ORC4: variants seen among roughly 807,000 people sequenced by gnomAD.
ORC4 encodes the protein origin recognition complex, subunit 4 homolog.
Under a neutral mutation model 63.9 loss-of-function variants are expected in ORC4, and 55 were observed. That is an observed-to-expected ratio of 0.86 (90% CI 0.69 to 1.08). The LOEUF (loss-of-function observed/expected upper bound fraction) is 1.08. ORC4 is among the 50% of genes least tolerant of loss of function. ORC4 has a pLI of 0.00. For missense variants in ORC4, 511 were observed against 504.4 expected (o/e 1.01, Z -0.13); for synonymous variants, 150 against 168.5 (o/e 0.89, Z 0.85).
intron 11 of ORC4, 23 bp downstream of exon 11, chr2:147,939,117 A>T: frequency 2.1e-6 from 3 of 1,418,736 alleles, no homozygotes; most frequent in Non-Finnish European, 3.0e-6. Flanking sequence ...ACCACAATTT[A>T]AAAAATAAGG....
intron 1 of ORC4, among the ~76,000 whole-genome samples, chr2:148,000,868 T>TG (rs2105432994): frequency 6.6e-6 from 1 of 152,076 alleles, no homozygotes; most frequent in Non-Finnish European, 1.5e-5. Context: ...AATGGGAAGA[T>TG]GGGGGGAATG....
At chr2:147,979,422 T>C (rs1273652387) in intron 1 of ORC4, among the ~76,000 whole-genome samples, 2 of 151,896 alleles carry the variant, frequency 1.3e-5, no homozygotes, top group East Asian at 1.9e-4. Flanking sequence ...CTATACAATA[T>C]TGATGAAAGA....
intron 10 of ORC4, among the ~76,000 whole-genome samples, chr2:147,939,586 C>T (rs1275850690): frequency 1.3e-5 from 2 of 151,976 alleles, no homozygotes; most frequent in East Asian, 1.9e-4. Flanking sequence ...ATAAAAGCCC[C>T]AAACACAAGC....
chr2:147,968,721 A>C (rs1375520389), intron 4 of ORC4, among the ~76,000 whole-genome samples: 1 of 152,046 alleles, frequency 6.6e-6, no homozygotes, highest in East Asian at 1.9e-4. Flanking sequence ...AACAGTACAA[A>C]GGTTCCCCAA....
intron 1 of ORC4, among the ~76,000 whole-genome samples, chr2:148,006,350 A>C (rs974615962): frequency 5.9e-5 from 9 of 152,204 alleles, no homozygotes; most frequent in African/African-American, 2.2e-4. Flanking sequence ...ATTCTGACTA[A>C]AGTAGTCTAG....
chr2:147,939,887 TG>T (rs1456074374), intron 10 of ORC4, among the ~76,000 whole-genome samples: 1 of 152,188 alleles, frequency 6.6e-6, no homozygotes, highest in Non-Finnish European at 1.5e-5. Flanking sequence ...AAGTTAAATT[TG>T]GTCATTTAGG....
intron 1 of ORC4, among the ~76,000 whole-genome samples, chr2:147,991,720 C>T (rs1010230681): frequency 2.6e-5 from 4 of 151,996 alleles, no homozygotes; most frequent in Admixed American, 1.3e-4. Context: ...CCCAGATACT[C>T]GGGAAGCTGA....
chr2:147,986,951 T>C (rs954248469), intron 1 of ORC4, among the ~76,000 whole-genome samples: 6 of 152,100 alleles, frequency 3.9e-5, no homozygotes, highest in African/African-American at 9.7e-5. Context: ...GTGGCATGAA[T>C]GCATACGGTT....
At chr2:147,993,931 A>G (rs1441605115) in intron 1 of ORC4, among the ~76,000 whole-genome samples, 1 of 152,216 alleles carries the variant, frequency 6.6e-6, no homozygotes, top group Admixed American at 6.5e-5. Context: ...TTGTCCCAAT[A>G]GTATGCTATG....
intron 1 of ORC4, among the ~76,000 whole-genome samples, chr2:147,989,287 T>G (rs1338808700): frequency 6.6e-6 from 1 of 151,948 alleles, no homozygotes; most frequent in Non-Finnish European, 1.5e-5. Context: ...GGAGTTGGGG[T>G]GGAGTATGGG....
intron 1 of ORC4, 57 bp from the exon 2 acceptor site, chr2:147,976,032 G>T: frequency 2.3e-6 from 2 of 868,028 alleles, no homozygotes; most frequent in South Asian, 1.3e-5. Context: ...GATTACTTAA[G>T]AATTTACTGT....
intron 4 of ORC4, among the ~76,000 whole-genome samples, 190 bp downstream of exon 4, chr2:147,972,549 C>G (rs1478839115): frequency 6.6e-6 from 1 of 151,530 alleles, no homozygotes; most frequent in Non-Finnish European, 1.5e-5. Flanking sequence ...AAATATACCA[C>G]CCTAAGTTTA....
chr2:147,960,464 A>T, intron 4 of ORC4: 5 of 571,772 alleles, frequency 8.7e-6, no homozygotes, highest in Non-Finnish European at 1.1e-5. Flanking sequence ...ATACACTAAA[A>T]ATATTTAGTT....
chr2:147,999,175 T>A (rs1184696103), intron 1 of ORC4, among the ~76,000 whole-genome samples: 1 of 152,128 alleles, frequency 6.6e-6, no homozygotes, highest in Non-Finnish European at 1.5e-5. Flanking sequence ...CTAACATGGC[T>A]CAAATTAAAC....
chr2:147,933,306 G>A lies in ORC4; in HGVS notation c.*2204C>T, dbSNP rs1311432769. The A allele has an allele frequency of 1.3e-5, 2 of 152,018 alleles. No individual in the cohort carries two copies. The highest frequency in any genetic ancestry group is 2.4e-5 in the African/African-American group (1 of 41,402). 9.4% of individuals were successfully genotyped at this position (152,018 alleles called of 1,614,324 possible). On this transcript the variant is annotated 3_prime_UTR_variant, in exon 14 of 14. Transcript: ENST00000392857. ...TGATGACAATTAAAGCAATTTAAGA[G>A]ACGAAGTTAGCTCAAAACTCTTGCG...
At chr2:147,967,283 A>ATG (rs1689948148) in intron 4 of ORC4, among the ~76,000 whole-genome samples, 1 of 152,104 alleles carries the variant, frequency 6.6e-6, no homozygotes, top group Admixed American at 6.6e-5. Context: ...CAATACAAGG[A>ATG]TGTTCACTCT....
intron 4 of ORC4, among the ~76,000 whole-genome samples, chr2:147,963,811 A>C (rs1309363171): frequency 1.3e-5 from 2 of 152,172 alleles, no homozygotes; most frequent in African/African-American, 4.8e-5. Flanking sequence ...AACAACTCTC[A>C]GCCTAGGCCA....
At chr2:148,008,983 T>G (rs1287421626) in intron 1 of ORC4, among the ~76,000 whole-genome samples, 1 of 151,948 alleles carries the variant, frequency 6.6e-6, no homozygotes, top group Non-Finnish European at 1.5e-5. Context: ...AATATAAAAA[T>G]ATATAGAGAC....
At chr2:148,019,548 C>T (rs1693551345) in intron 1 of ORC4, among the ~76,000 whole-genome samples, 1 of 152,174 alleles carries the variant, frequency 6.6e-6, no homozygotes, top group African/African-American at 2.4e-5. Flanking sequence ...GCCGAGATCG[C>T]GCCACTGCAC....
Sources: gnomAD v4.1 joint callset for allele counts (sites outside exome capture counted in the v4.1 genomes callset) on GRCh38, gnomAD v4.1.1 for gene constraint, MANE v1.5 for transcripts, NCBI Gene and HGNC (gene_info 2026-07-23, HGNC 2026-07-21) for gene names.